Variants in TTC1 observed in about 807,000 individuals in gnomAD.
TTC1 encodes tetratricopeptide repeat protein 1.
TTC1 carries 31 observed loss-of-function variants against 37.6 expected under a neutral mutation model. That is an observed-to-expected ratio of 0.82 (90% CI 0.62 to 1.11). The LOEUF (loss-of-function observed/expected upper bound fraction) is 1.11. Ranked by LOEUF, TTC1 falls within the 50% of genes most tolerant of loss-of-function variation. TTC1 has a pLI of 0.00. For synonymous variants in TTC1, 127 were observed against 122.4 expected, an observed-to-expected ratio of 1.04 and a Z score of -0.25; for missense variants, 351 against 339.0, an observed-to-expected ratio of 1.04 and a Z score of -0.28.
chr5:160,046,166 C>A (rs554729128), intron 5 of TTC1, among the ~76,000 whole-genome samples: 18 of 152,274 alleles, frequency 1.2e-4, no homozygotes, highest in African/African-American at 4.1e-4. Context: ...TTTGTCTTAT[C>A]CTATTTTTCT....
intron 3 of TTC1, chr5:160,036,442 C>G: frequency 2.7e-6 from 1 of 364,590 alleles, no homozygotes; most frequent in Non-Finnish European, 5.2e-6. Flanking sequence ...GGGCTTGTCA[C>G]TGACAGCATG....
chr5:160,022,978 G>A (rs61498815), intron 2 of TTC1, among the ~76,000 whole-genome samples: 8,518 of 152,176 alleles, frequency 0.056, 817 homozygotes, highest in African/African-American at 0.19. Flanking sequence ...AAAATTGGCC[G>A]GGTGCAGTGG....
chr5:160,014,004 G>A (rs1180180859), intron 2 of TTC1, among the ~76,000 whole-genome samples: 4 of 152,026 alleles, frequency 2.6e-5, no homozygotes, highest in Non-Finnish European at 4.4e-5. Context: ...ACTACATCAG[G>A]CTATTGAGCA....
In TTC1 at chr5:160,063,775, A is replaced by G. The variant is rs184836999; in HGVS notation, c.746-1157A>G. On this transcript the variant is annotated intron_variant, in intron 7 of 7. Coordinates refer to ENST00000231238, the MANE Select transcript of TTC1 (RefSeq NM_003314.3). ...ATTCCTAGTTTCAGATGTTCCTTAT[A>G]TCTTAAAACAGCATAAGAACTGTTT... The G allele has an allele frequency of 3.9e-5, 6 of 152,208 alleles. No individual in the cohort carries two copies. In the East Asian group the frequency reaches 7.7e-4, roughly 20 times the overall value. 9.4% of individuals were successfully genotyped at this position (152,208 alleles called of 1,614,324 possible). A position where few individuals can be genotyped will look rare whatever the true frequency, so the allele number is the denominator to read the frequency against.
chr5:160,012,200 T>C (rs895273314), intron 2 of TTC1, among the ~76,000 whole-genome samples: 8 of 152,158 alleles, frequency 5.3e-5, no homozygotes, highest in African/African-American at 1.9e-4. Context: ...TACCTTAATA[T>C]ATTTTGCCCT....
intron 7 of TTC1, among the ~76,000 whole-genome samples, chr5:160,053,393 CA>C: frequency 6.6e-6 from 1 of 151,952 alleles, no homozygotes; most frequent in Non-Finnish European, 1.5e-5. Flanking sequence ...GGCAACATGG[CA>C]AAATCCTGTC....
intron 5 of TTC1, among the ~76,000 whole-genome samples, chr5:160,043,446 A>T (rs1344519444): frequency 6.6e-6 from 1 of 152,156 alleles, no homozygotes; most frequent in Non-Finnish European, 1.5e-5. Flanking sequence ...AAAATACGAA[A>T]GTTAGGCATA....
Position 160,035,139 on chromosome 5 carries a change from G to T in TTC1, c.331-1G>T, listed in dbSNP as rs755641056. The T allele has an allele frequency of 6.3e-7, 1 of 1,591,228 alleles. No homozygotes were observed. The highest frequency in any genetic ancestry group is 1.8e-5 in the Admixed American group (1 of 54,230). ...TTATGTAATTCTCTGATGTCTTTCA[G>T]AAAAGAAGAGAAGAGAGCACTAGAC... On this transcript the variant is annotated splice_acceptor_variant, in intron 2 of 7. Transcript: ENST00000231238. LOFTEE classifies it high-confidence loss of function.
chr5:160,041,748 G>A (rs928205260), intron 4 of TTC1, among the ~76,000 whole-genome samples: 10 of 152,100 alleles, frequency 6.6e-5, no homozygotes, highest in African/African-American at 1.9e-4. Context: ...TTTCAGCTCC[G>A]TTATACTCCT....
chr5:160,012,436 C>A (rs1014478600), intron 2 of TTC1, among the ~76,000 whole-genome samples: 1 of 151,822 alleles, frequency 6.6e-6, no homozygotes, highest in African/African-American at 2.4e-5. Flanking sequence ...GTGATCACGG[C>A]TCACTGCAGT....
intron 2 of TTC1, among the ~76,000 whole-genome samples, chr5:160,034,588 A>G (rs1378611297): frequency 1.3e-5 from 2 of 152,276 alleles, no homozygotes; most frequent in East Asian, 3.9e-4. Flanking sequence ...CACAGAAAAT[A>G]ATAGCTTATT....
At chr5:160,050,720 G>C (rs1351088680) in intron 6 of TTC1, among the ~76,000 whole-genome samples, 1 of 149,012 alleles carries the variant, frequency 6.7e-6, no homozygotes, top group Non-Finnish European at 1.5e-5. Context: ...CAACCTCCCA[G>C]ATTCAAGCAA....
chr5:160,027,009 T>G (rs1756817526), intron 2 of TTC1, among the ~76,000 whole-genome samples: 2 of 152,102 alleles, frequency 1.3e-5, no homozygotes, highest in South Asian at 4.1e-4. Context: ...CTACTTTAGT[T>G]TTTCGGGATT....
intron 2 of TTC1, among the ~76,000 whole-genome samples, chr5:160,029,287 A>G (rs1004505418): frequency 2.0e-5 from 3 of 152,060 alleles, no homozygotes; most frequent in Non-Finnish European, 4.4e-5. Flanking sequence ...GTAATACCCT[A>G]GTAACAGTGA....
At chr5:160,025,247 C>G (rs181961539) in intron 2 of TTC1, among the ~76,000 whole-genome samples, 1 of 152,170 alleles carries the variant, frequency 6.6e-6, no homozygotes, top group Non-Finnish European at 1.5e-5. Flanking sequence ...AGGCTGGTCT[C>G]GAACTCCTGA....
chr5:160,051,114 TC>T lies in TTC1; in HGVS notation c.691-13del. ...TTTTTTTTTTACCAACCCTTGTTTC[TC>T]CTCTTTTCCTCAGAGATTACCTAAG... On this transcript the variant is annotated splice_polypyrimidine_tract_variant and intron_variant, in intron 6 of 7. Coordinates refer to ENST00000231238, the MANE Select transcript of TTC1 (RefSeq NM_003314.3). 6.4e-7 allele frequency: 1 copy of T among 1,566,590 alleles called. No homozygotes were observed. Among genetic ancestry groups the T allele is most frequent in the Non-Finnish European group, 8.7e-7 (1 of 1,152,670 alleles).
At chr5:160,026,453 C>T (rs986032488) in intron 2 of TTC1, among the ~76,000 whole-genome samples, 1 of 152,122 alleles carries the variant, frequency 6.6e-6, no homozygotes, top group Non-Finnish European at 1.5e-5. Flanking sequence ...TGAATTCAGT[C>T]AGTTTTTCCT....
At chr5:160,028,726 G>A (rs1486675697) in intron 2 of TTC1, among the ~76,000 whole-genome samples, 1 of 151,990 alleles carries the variant, frequency 6.6e-6, no homozygotes, top group Non-Finnish European at 1.5e-5. Context: ...CGCCCACCTC[G>A]ACCTCCCAAA....
At chr5:160,038,611 A>G (rs550921703) in intron 4 of TTC1, among the ~76,000 whole-genome samples, 1 of 152,182 alleles carries the variant, frequency 6.6e-6, no homozygotes, top group South Asian at 2.1e-4. Context: ...TTGCCTGTTC[A>G]AAGAATAGTT....
Sources: allele counts gnomAD v4.1 joint callset (sites outside exome capture counted in the v4.1 genomes callset), GRCh38; gene constraint gnomAD v4.1.1; transcripts MANE v1.5; gene names NCBI Gene and HGNC (gene_info 2026-07-23, HGNC 2026-07-21).